The following LOC128125816 variants were observed in gnomAD, a reference collection of about 807,000 sequenced individuals.
At chr12:122,226,541 G>A in the LOC128125816 span, 27 of 698,720 alleles carry the variant, frequency 3.9e-5, no homozygotes, top group African/African-American at 4.7e-4. Flanking sequence ...GCTGCAGCAC[G>A]TGGACGGTGG....
At chr12:122,226,522 C>T in the LOC128125816 span, 2 of 699,002 alleles carry the variant, frequency 2.9e-6, no homozygotes, top group African/African-American at 1.8e-5. Flanking sequence ...GCGAGCAGCT[C>T]CCGCAGCAGC....
At chr12:122,226,560 G>C in the LOC128125816 span, 4 of 697,928 alleles carry the variant, frequency 5.7e-6, no homozygotes, top group African/African-American at 3.5e-5. Context: ...GGACGAGGCC[G>C]GCATCGCGCT....
the LOC128125816 span, chr12:122,226,457 C>G: frequency 2.9e-6 from 2 of 695,896 alleles, no homozygotes; most frequent in South Asian, 1.5e-5. Context: ...AGTAAGTGGT[C>G]CAGCCGGCCA....
chr12:122,226,486 G>A, the LOC128125816 span: 1 of 699,122 alleles, frequency 1.4e-6, no homozygotes, highest in Middle Eastern at 3.7e-4. Flanking sequence ...GCCCCGATGA[G>A]CACCGTGTAG....
chr12:122,226,491 G>A, the LOC128125816 span: 1 of 698,980 alleles, frequency 1.4e-6, no homozygotes, highest in Non-Finnish European at 2.6e-6. Context: ...GATGAGCACC[G>A]TGTAGCTGAG....
the LOC128125816 span, chr12:122,226,531 G>A: frequency 1.4e-6 from 1 of 699,072 alleles, no homozygotes; most frequent in South Asian, 1.5e-5. Context: ...TCCCGCAGCA[G>A]CTGCAGCACG....
At chr12:122,226,558 C>T in the LOC128125816 span, 10 of 698,150 alleles carry the variant, frequency 1.4e-5, no homozygotes, top group Non-Finnish European at 2.3e-5. Flanking sequence ...GTGGACGAGG[C>T]CGGCATCGCG....
the LOC128125816 span, chr12:122,226,473 A>G: frequency 1.4e-6 from 1 of 697,662 alleles, no homozygotes; most frequent in East Asian, 2.7e-5. Context: ...GGCCAGCAGC[A>G]GCGCCCCGAT....
At chr12:122,226,503 A>C in the LOC128125816 span, 2 of 698,792 alleles carry the variant, frequency 2.9e-6, no homozygotes, top group East Asian at 5.4e-5. Flanking sequence ...GTAGCTGAGG[A>C]GCACGAAGGC....
At chr12:122,226,549 T>A in the LOC128125816 span, 1 of 698,276 alleles carries the variant, frequency 1.4e-6, no homozygotes, top group Admixed American at 2.0e-5. Flanking sequence ...ACGTGGACGG[T>A]GGACGAGGCC....
At chr12:122,226,533 T>C in the LOC128125816 span, 1 of 699,028 alleles carries the variant, frequency 1.4e-6, no homozygotes, top group Non-Finnish European at 2.6e-6. Context: ...CCGCAGCAGC[T>C]GCAGCACGTG....
the LOC128125816 span, chr12:122,226,524 C>T: frequency 1.4e-6 from 1 of 699,120 alleles, no homozygotes; most frequent in Non-Finnish European, 2.6e-6. Flanking sequence ...GAGCAGCTCC[C>T]GCAGCAGCTG....
At chr12:122,226,502 G>A in the LOC128125816 span, 2 of 699,100 alleles carry the variant, frequency 2.9e-6, no homozygotes, top group Non-Finnish European at 5.2e-6. Context: ...TGTAGCTGAG[G>A]AGCACGAAGG....
the LOC128125816 span, chr12:122,226,499 G>A: frequency 1.7e-5 from 12 of 699,164 alleles, no homozygotes; most frequent in Non-Finnish European, 2.6e-5. Context: ...CCGTGTAGCT[G>A]AGGAGCACGA....
At chr12:122,226,441 C>G in the LOC128125816 span, 1 of 691,742 alleles carries the variant, frequency 1.4e-6, no homozygotes, top group Non-Finnish European at 2.6e-6. Context: ...CACTTCAGCA[C>G]CAGGAAGTAA....
chr12:122,226,436 C>A, the LOC128125816 span: 3 of 691,912 alleles, frequency 4.3e-6, no homozygotes, highest in Admixed American at 4.0e-5. Context: ...GCTGTCACTT[C>A]AGCACCAGGA....
the LOC128125816 span, chr12:122,226,525 G>A: frequency 2.9e-6 from 2 of 699,042 alleles, no homozygotes; most frequent in South Asian, 1.5e-5. Flanking sequence ...AGCAGCTCCC[G>A]CAGCAGCTGC....
the LOC128125816 span, chr12:122,226,477 C>G: frequency 1.4e-6 from 1 of 698,480 alleles, no homozygotes; most frequent in East Asian, 2.7e-5. Context: ...AGCAGCAGCG[C>G]CCCGATGAGC....
chr12:122,226,540 C>CGTGGACG, the LOC128125816 span: 3 of 698,750 alleles, frequency 4.3e-6, no homozygotes, highest in African/African-American at 3.5e-5. Flanking sequence ...AGCTGCAGCA[C>CGTGGACG]GTGGACGGTG....
Sources: allele counts gnomAD v4.1 joint callset, GRCh38; gene constraint gnomAD v4.1.1; transcripts MANE v1.5.